The following NDEL1 variants were observed in gnomAD, a reference collection of about 807,000 sequenced individuals.
The protein encoded by NDEL1 is nuclear distribution protein nudE-like 1.
In NDEL1, 9 loss-of-function variants were observed where a neutral mutation model predicts 45.7. The observed-to-expected ratio is 0.20, with a 90% CI of 0.12 to 0.34. The LOEUF is 0.34. NDEL1 is among the 10% of genes least tolerant of loss of function. The pLI is 1.00. For missense variants in NDEL1, 306 were observed against 406.2 expected, an observed-to-expected ratio of 0.75 and a Z score of 2.12; for synonymous variants, 133 against 158.6, an observed-to-expected ratio of 0.84 and a Z score of 1.21.
At chr17:8,445,330 A>G (rs970279777) in intron 2 of NDEL1, among the ~76,000 whole-genome samples, 5 of 152,214 alleles carry the variant, frequency 3.3e-5, no homozygotes, top group African/African-American at 1.2e-4. Flanking sequence ...GATACATGCA[A>G]CGATTCTATT....
At chr17:8,456,635 A>T (rs1479672258) in intron 7 of NDEL1, among the ~76,000 whole-genome samples, 2 of 151,462 alleles carry the variant, frequency 1.3e-5, no homozygotes, top group African/African-American at 4.9e-5. Flanking sequence ...AGTAGCTGGG[A>T]TTACAGGCAC....
rs1342511782 is a variant in NDEL1 at position 8,467,375 on chromosome 17, G to A, written c.*352G>A. ...CACTCTGCTGTACTGATAGGATTTA[G>A]TTGTGTTTTAGGACATTGCAAATCT... On this transcript the variant is annotated 3_prime_UTR_variant, in exon 9 of 9. Transcript: ENST00000334527. The surrounding 1 kb of genome is among the most constrained non-coding windows in gnomAD (Gnocchi z 6.3). 3 of 444,972 alleles carry A rather than the reference G, an allele frequency of 6.7e-6. No homozygotes were observed. The highest frequency in any genetic ancestry group is 1.2e-5 in the Non-Finnish European group (3 of 254,594). The allele number at this position is 444,972 out of a possible 1,614,324, so 27.6% of individuals were successfully genotyped here.
At chr17:8,440,257 C>T (rs1471175241) in intron 1 of NDEL1, among the ~76,000 whole-genome samples, 1 of 152,136 alleles carries the variant, frequency 6.6e-6, no homozygotes, top group African/African-American at 2.4e-5. Flanking sequence ...GTGGCTCATG[C>T]CTGTAATCCC....
chr17:8,432,258 T>G (rs1909017567), upstream of NDEL1: 1 of 143,382 alleles, frequency 7.0e-6, no homozygotes, highest in Admixed American at 7.3e-5. Flanking sequence ...GTTAATGCAG[T>G]CTTTTTTACA....
intron 5 of NDEL1, among the ~76,000 whole-genome samples, chr17:8,449,830 C>T (rs950642765): frequency 1.3e-5 from 2 of 152,190 alleles, no homozygotes; most frequent in Admixed American, 6.5e-5. Context: ...AATGATACCG[C>T]TGTGAACATG....
chr17:8,446,666 T>TCC lies in NDEL1; in HGVS notation c.241-82_241-81dup, dbSNP rs5819193. ...AAGAGTGTGGGTAAATTCCTTGGGT[T>TCC]CCCCCCCACCCTTTTAACTTGAGTT... On this transcript the variant is annotated intron_variant, in intron 3 of 8. Transcript: ENST00000334527. 2.3e-3 allele frequency: 2,861 copies of TCC among 1,261,226 alleles called. 41 individuals are homozygous for TCC. The African/African-American group carries it at 0.034, about 15-fold the overall frequency. The allele number at this position is 1,261,226 out of a possible 1,614,324, so 78.1% of individuals were successfully genotyped here.
chr17:8,461,062 C>T (rs1305457142), intron 8 of NDEL1: 2 of 152,176 alleles, frequency 1.3e-5, no homozygotes, highest in Non-Finnish European at 2.9e-5. Context: ...AAACAGCCAA[C>T]AGGCACCCGT....
chr17:8,442,777 CTTTTT>C (rs34963430), intron 1 of NDEL1, among the ~76,000 whole-genome samples: 3 of 84,152 alleles, frequency 3.6e-5, no homozygotes, highest in South Asian at 4.5e-4. Flanking sequence ...TATTTATTTA[CTTTTT>C]TTTTTTTTTT....
chr17:8,436,058 C>G lies in NDEL1; in HGVS notation c.-13+13C>G, dbSNP rs747223575. The stretch of plus-strand genomic sequence containing the variant: ...TGACACATTGGAGGTGAGCCTGCAG[C>G]GCGGGGCCGCTCCCTAAGGGGCTGC... On this transcript the variant is annotated intron_variant, in intron 1 of 8. Transcript: ENST00000334527. 2.3e-6 allele frequency: 1 copy of G among 428,566 alleles called. No homozygotes were observed. The highest frequency in any genetic ancestry group is 4.6e-6 in the Non-Finnish European group (1 of 215,480). The allele number at this position is 428,566 out of a possible 1,614,324, so 26.5% of individuals were successfully genotyped here.
At chr17:8,414,599 G>A (rs1386767899) in intron 1 of NDEL1, among the ~76,000 whole-genome samples, 2 of 152,126 alleles carry the variant, frequency 1.3e-5, no homozygotes, top group Admixed American at 6.5e-5. Context: ...CTTGGGAGGC[G>A]GAGCTGGCAG....
At position 8,467,493 on chromosome 17, in the gene NDEL1, C is replaced by G; in HGVS notation, c.*470C>G. Reference sequence around the variant, plus strand: ...GCTCATGATCATGTGTCCCCCAACTCCACCCCTCACAGTTTGGGCCTGTTT... The same window carrying G: ...GCTCATGATCATGTGTCCCCCAACTGCACCCCTCACAGTTTGGGCCTGTTT... On this transcript the variant is annotated 3_prime_UTR_variant, in exon 9 of 9. Transcript: ENST00000334527. This position sits in a 1 kb window ranked among gnomAD's most constrained non-coding sequence, Gnocchi z 6.3. 5.6e-6 allele frequency: 2 copies of G among 358,168 alleles called. No individual in the cohort carries two copies. The highest frequency in any genetic ancestry group is 1.0e-5 in the Non-Finnish European group (2 of 200,338). The allele number at this position is 358,168 out of a possible 1,614,324, so 22.2% of individuals were successfully genotyped here. A position where few individuals can be genotyped will look rare whatever the true frequency, so the allele number is the denominator to read the frequency against.
chr17:8,435,724 T>C, upstream of NDEL1: 1 of 334,148 alleles, frequency 3.0e-6, no homozygotes, highest in Non-Finnish European at 5.9e-6. Context: ...AGAGGACGCC[T>C]GCGCAAGAGG....
chr17:8,471,245 G>A (rs1040095338), downstream of NDEL1, among the ~76,000 whole-genome samples: 6 of 152,234 alleles, frequency 3.9e-5, no homozygotes, highest in African/African-American at 1.4e-4. Flanking sequence ...CTGCCTCCGA[G>A]GTTCAAGCGA....
At chr17:8,432,002 G>C (rs974021825), upstream of NDEL1, 7 of 151,292 alleles carry the variant, frequency 4.6e-5, no homozygotes, top group African/African-American at 1.7e-4. Flanking sequence ...TGGGATTACA[G>C]GCACATGCCA....
rs934721219 is a variant in NDEL1, at chr17:8,438,798, G to A, written c.-13+2753G>A. ...TCCAAGTGCTGGGATTAATATGCGC[G>A]AGCCACTGTGCCTGGCCAGAATCTG... On this transcript the variant is annotated intron_variant, in intron 1 of 8. Coordinates refer to ENST00000334527, the MANE Select transcript of NDEL1 (RefSeq NM_030808.5). 8.6e-5 allele frequency among the ~76,000 whole-genome samples: 13 copies of A among 152,016 alleles called. No homozygotes were observed. The East Asian group carries it at 1.7e-3, about 20-fold the overall frequency.
intron 1 of NDEL1, among the ~76,000 whole-genome samples, chr17:8,425,435 AG>A (rs1908807641): frequency 6.6e-6 from 1 of 152,190 alleles, no homozygotes; most frequent in Non-Finnish European, 1.5e-5. Flanking sequence ...TACAAAAATT[AG>A]CTGGGTGTGG....
At chr17:8,471,057 C>T (rs914193753), downstream of NDEL1, among the ~76,000 whole-genome samples, 4 of 152,218 alleles carry the variant, frequency 2.6e-5, no homozygotes, top group Non-Finnish European at 4.4e-5. Flanking sequence ...TGCCTTGTCT[C>T]GTGTGTTGGT....
intron 1 of NDEL1, among the ~76,000 whole-genome samples, chr17:8,439,218 G>T (rs1004107919): frequency 6.6e-6 from 1 of 151,046 alleles, no homozygotes; most frequent in Non-Finnish European, 1.5e-5. Flanking sequence ...GGGATTACAG[G>T]TGTGAGCCAC....
chr17:8,473,461 ACAGGCGT>A (rs1911962064), intron 3 of NDEL1, among the ~76,000 whole-genome samples: 1 of 152,222 alleles, frequency 6.6e-6, no homozygotes, highest in African/African-American at 2.4e-5. Context: ...TGCCGGGATT[ACAGGCGT>A]GAGCACCATG....
Sources: gnomAD v4.1 joint callset for allele counts (sites outside exome capture counted in the v4.1 genomes callset) on GRCh38, gnomAD v4.1.1 for gene constraint, Gnocchi (gnomAD v3.1) non-coding constraint, MANE v1.5 for transcripts, NCBI Gene and HGNC (gene_info 2026-07-23, HGNC 2026-07-21) for gene names.